The following FOXO1 variants were observed in gnomAD, a reference collection of about 807,000 sequenced individuals.
The protein encoded by FOXO1 is forkhead box protein O1.
FOXO1 carries 6 observed loss-of-function variants against 44.1 expected under a neutral mutation model. The ratio of observed to expected loss-of-function variants is 0.14; its 90% CI spans 0.07 to 0.27. The LOEUF is 0.27. FOXO1 is among the 10% of genes least tolerant of loss of function. The pLI is 1.00. For synonymous variants in FOXO1, 380 were observed against 362.7 expected (o/e 1.05, Z -0.54); for missense variants, 737 against 888.8 (o/e 0.83, Z 2.17).
At chr13:40,623,319 G>C (rs1245300935) in intron 1 of FOXO1, among the ~76,000 whole-genome samples, 1 of 152,026 alleles carries the variant, frequency 6.6e-6, no homozygotes, top group Non-Finnish European at 1.5e-5. Flanking sequence ...AGTTATTACT[G>C]TTGCTGACTA....
chr13:40,565,337 G>T (rs1874225531), intron 1 of FOXO1, among the ~76,000 whole-genome samples: 2 of 152,056 alleles, frequency 1.3e-5, no homozygotes, highest in African/African-American at 4.8e-5. Context: ...CACTTAATAG[G>T]ATGACACAAC....
rs1334102029 is a variant in FOXO1, at chr13:40,666,608, G to C, written c.-396C>G. Reference sequence around the variant, plus strand: ...GAATGTGGCGGCTGCGGCAGCGGCTGCTGCGACTACCAGGCCGCCCGACTT... The same window carrying C: ...GAATGTGGCGGCTGCGGCAGCGGCTCCTGCGACTACCAGGCCGCCCGACTT... On this transcript the variant is annotated 5_prime_UTR_variant, in exon 1 of 3. Coordinates refer to ENST00000379561, the MANE Select transcript of FOXO1 (RefSeq NM_002015.4). The C allele has an allele frequency of 2.1e-5, 4 of 193,030 alleles. No individual in the cohort carries two copies. The highest frequency in any genetic ancestry group is 9.3e-5 in the African/African-American group (4 of 43,040). 12.0% of individuals were successfully genotyped at this position (193,030 alleles called of 1,614,324 possible).
chr13:40,617,361 C>T (rs1876463089), intron 1 of FOXO1, among the ~76,000 whole-genome samples: 1 of 151,936 alleles, frequency 6.6e-6, no homozygotes, highest in Admixed American at 6.6e-5. Flanking sequence ...AGGAGAATCA[C>T]TTGAACCCAG....
At chr13:40,654,502 A>C (rs1877793629) in intron 1 of FOXO1, among the ~76,000 whole-genome samples, 1 of 51,710 alleles carries the variant, frequency 1.9e-5, no homozygotes, top group African/African-American at 1.6e-4. Flanking sequence ...CTCTGTCACA[A>C]AAAAAAAAAA....
chr13:40,634,199 TGCCCAC>T (rs1877066055), intron 1 of FOXO1, among the ~76,000 whole-genome samples: 2 of 152,246 alleles, frequency 1.3e-5, no homozygotes, highest in African/African-American at 4.8e-5. Flanking sequence ...CTAATAAAAC[TGCCCAC>T]GACAAATTCC....
At position 40,563,464 on chromosome 13, in the gene FOXO1, T is replaced by G. The variant is rs1593379249; in HGVS notation, c.631-2604A>C. On this transcript the variant is annotated intron_variant, in intron 1 of 2. Transcript: ENST00000379561. The stretch of plus-strand genomic sequence containing the variant: ...TAAAGATTTCAACACAGCAGCTACG[T>G]GACAAGCCCTCCTGCCAGAGCATAC... Among the ~76,000 whole-genome samples the G allele has an allele frequency of 2.0e-5, 3 of 152,114 alleles. No individual in the cohort carries two copies. The South Asian group carries it at 6.2e-4, about 32-fold the overall frequency.
chr13:40,597,983 G>T (rs1875646017), intron 1 of FOXO1, among the ~76,000 whole-genome samples: 1 of 152,152 alleles, frequency 6.6e-6, no homozygotes, highest in Non-Finnish European at 1.5e-5. Flanking sequence ...AGTCCTCAGA[G>T]GCTTTCCCAG....
chr13:40,663,141 T>TG (rs1478044896), intron 1 of FOXO1, among the ~76,000 whole-genome samples: 1 of 152,234 alleles, frequency 6.6e-6, no homozygotes, highest in Admixed American at 6.5e-5. Context: ...AGGCTCCCAC[T>TG]GGGAGCTGCC....
chr13:40,612,652 CT>C lies in FOXO1; in HGVS notation c.631-51793del, dbSNP rs1488067967. ...ACAGTAGTCCTTCCCTGAGCTTTCA[CT>C]TTCCACCTTTTTGAGTTACCTGCAG... On this transcript the variant is annotated intron_variant, in intron 1 of 2. Coordinates refer to ENST00000379561, the MANE Select transcript of FOXO1 (RefSeq NM_002015.4). 2.6e-5 allele frequency among the ~76,000 whole-genome samples: 4 copies of C among 152,208 alleles called. No homozygotes were observed. In the East Asian group the frequency reaches 7.7e-4, roughly 29 times the overall value.
chr13:40,570,176 G>C (rs745306647), intron 1 of FOXO1, among the ~76,000 whole-genome samples: 6 of 151,928 alleles, frequency 3.9e-5, no homozygotes, highest in Non-Finnish European at 5.9e-5. Context: ...CGGGTGTGGT[G>C]GCACGTGCCT....
chr13:40,586,112 T>C (rs1875154319), intron 1 of FOXO1, among the ~76,000 whole-genome samples: 1 of 152,222 alleles, frequency 6.6e-6, no homozygotes, highest in Non-Finnish European at 1.5e-5. Context: ...AGGCTAAAAC[T>C]CTGGATCACA....
chr13:40,665,978 C>T lies in FOXO1; in HGVS notation c.235G>A (p.Glu79Lys). 1 of 1,244,624 alleles carries T rather than the reference C, an allele frequency of 8.0e-7. No homozygotes were observed. Among genetic ancestry groups the T allele is most frequent in the South Asian group, 3.5e-5 (1 of 28,686 alleles). 77.1% of individuals were successfully genotyped at this position (1,244,624 alleles called of 1,614,324 possible). ...DFMSNLSLLE[E>K]SEDFPQAPGS... Reference sequence around the variant, plus strand: ...GGCGCCTGCGGGAAGTCCTCGCTCTCCTCCAGCAAGCTCAGGTTGCTCATG... The same window carrying T: ...GGCGCCTGCGGGAAGTCCTCGCTCTTCTCCAGCAAGCTCAGGTTGCTCATG... Residue 79 changes from glutamate (E) to lysine (K), a missense_variant, in exon 1 of 3, where the codon GAG becomes AAG. Around this residue, in one of 7 missense-constraint regions of FOXO1, gnomAD observed 213 missense variants for 236.4 expected, o/e 0.90. Coordinates refer to ENST00000379561, the MANE Select transcript of FOXO1 (RefSeq NM_002015.4).
intron 1 of FOXO1, chr13:40,619,472 C>T (rs1876537393): frequency 7.8e-7 from 1 of 1,280,110 alleles, no homozygotes. Context: ...CGAACAAACT[C>T]GAACAGTGGA....
At position 40,559,696 on chromosome 13, in the gene FOXO1, G is replaced by A; in HGVS notation, c.1795C>T (p.Pro599Ser). 6.2e-7 allele frequency: 1 copy of A among 1,614,126 alleles called. No individual in the cohort carries two copies. Among genetic ancestry groups the A allele is most frequent in the Non-Finnish European group, 8.5e-7 (1 of 1,180,010 alleles). Residue 599 changes from proline to serine, a missense_variant, in exon 2 of 3, where the codon CCA becomes TCA. By Grantham distance (74) the Pro-to-Ser change is moderately conservative. Around this residue, in one of 7 missense-constraint regions of FOXO1, gnomAD observed 45 missense variants for 78.3 expected, o/e 0.57. Coordinates refer to ENST00000379561, the MANE Select transcript of FOXO1 (RefSeq NM_002015.4). The stretch of plus-strand genomic sequence containing the variant: ...ATGAACATGCCATCCAAGTCACTTG[G>A]GAGCTTCTCCTGGTGGAGAAGGCCC... Reference protein sequence around the residue: ...RMGLLHQEKLPSDLDGMFIER... With the variant: ...RMGLLHQEKLSSDLDGMFIER...
chr13:40,665,598 G>T lies in FOXO1; in HGVS notation c.615C>A (p.Ser205Arg). Residue 205 changes from serine to arginine, a missense_variant, in exon 1 of 3, where the codon AGC becomes AGA. By Grantham distance (110) the Ser-to-Arg change is moderately radical. Coordinates refer to ENST00000379561, the MANE Select transcript of FOXO1 (RefSeq NM_002015.4). ...PYFKDKGDSN[S>R]SAGWKNSIRH... is the part of the protein sequence containing the mutation. Reference sequence around the variant, plus strand: ...GTCCACTCACCTTCCAGCCCGCCGAGCTGTTGCTGTCACCCTTATCCTTGA... The same window carrying T: ...GTCCACTCACCTTCCAGCCCGCCGATCTGTTGCTGTCACCCTTATCCTTGA... 1 of 1,434,484 alleles carries T rather than the reference G, an allele frequency of 7.0e-7. No homozygotes were observed. Among genetic ancestry groups the T allele is most frequent in the South Asian group, 1.5e-5 (1 of 66,916 alleles). The allele number at this position is 1,434,484 out of a possible 1,614,324, so 88.9% of individuals were successfully genotyped here.
chr13:40,610,033 C>G (rs898604770), intron 1 of FOXO1, among the ~76,000 whole-genome samples: 12 of 152,132 alleles, frequency 7.9e-5, no homozygotes, highest in Non-Finnish European at 1.3e-4. Context: ...ATCTATTACC[C>G]TACGACAATT....
chr13:40,665,608 T>C lies in FOXO1; in HGVS notation c.605A>G (p.Asp202Gly). Residue 202 changes from aspartate to glycine, a missense_variant, in exon 1 of 3, where the codon GAC (aspartate) becomes GGC (glycine). Physicochemically the swap from Asp to Gly is moderately conservative, Grantham distance 94. Around this residue, in one of 7 missense-constraint regions of FOXO1, gnomAD observed 49 missense variants for 50.2 expected, o/e 0.98. Coordinates refer to ENST00000379561, the MANE Select transcript of FOXO1 (RefSeq NM_002015.4). ...KSVPYFKDKGDSNSSAGWKNS... is the reference protein window; with the variant it reads ...KSVPYFKDKGGSNSSAGWKNS... Reference sequence around the variant, plus strand: ...CTTCCAGCCCGCCGAGCTGTTGCTGTCACCCTTATCCTTGAAGTAGGGCAC... The same window carrying C: ...CTTCCAGCCCGCCGAGCTGTTGCTGCCACCCTTATCCTTGAAGTAGGGCAC... 6.9e-7 allele frequency: 1 copy of C among 1,445,280 alleles called. No homozygotes were observed. Among genetic ancestry groups the C allele is most frequent in the Admixed American group, 2.3e-5 (1 of 43,468 alleles). 89.5% of individuals were successfully genotyped at this position (1,445,280 alleles called of 1,614,324 possible). A position where few individuals can be genotyped will look rare whatever the true frequency, so the allele number is the denominator to read the frequency against.
chr13:40,620,000 C>T lies in FOXO1; in HGVS notation c.630+45583G>A. 2.8e-6 allele frequency: 2 copies of T among 721,638 alleles called. 1 individual carries two copies. 44.7% of individuals were successfully genotyped at this position (721,638 alleles called of 1,614,324 possible). A position where few individuals can be genotyped will look rare whatever the true frequency, so the allele number is the denominator to read the frequency against. On this transcript the variant is annotated intron_variant, in intron 1 of 2. Coordinates refer to ENST00000379561, the MANE Select transcript of FOXO1 (RefSeq NM_002015.4). ...TCACCAATTCAGAGACACAGTGGCA[C>T]TGTTTGTCATAATTCACAAAGGGAA...
intron 1 of FOXO1, among the ~76,000 whole-genome samples, chr13:40,650,925 G>C (rs974347396): frequency 1.3e-5 from 2 of 151,712 alleles, no homozygotes; most frequent in African/African-American, 4.8e-5. Flanking sequence ...CAGCTAATTT[G>C]TGTATTTTTA....
Sources: gnomAD v4.1 joint callset for allele counts (sites outside exome capture counted in the v4.1 genomes callset) on GRCh38, gnomAD v4.1.1 for gene constraint, gnomAD v4.1.1 regional missense constraint, MANE v1.5 for transcripts, NCBI Gene and HGNC (gene_info 2026-07-23, HGNC 2026-07-21) for gene names.